JPT1: variants seen among roughly 807,000 people sequenced by gnomAD.
The protein encoded by JPT1 is androgen-regulated protein 2.
Under a neutral mutation model 17.0 loss-of-function variants are expected in JPT1, and 5 were observed. The observed-to-expected ratio is 0.29, with a 90% confidence interval of 0.15 to 0.62. The LOEUF is 0.62. Among genes scored for constraint, JPT1 ranks in the 20% least tolerant of loss-of-function variants. The pLI, the probability that JPT1 is intolerant of heterozygous loss-of-function variation, is 0.85. For missense variants in JPT1, 158 were observed against 188.1 expected, an observed-to-expected ratio of 0.84 and a Z score of 0.94; for synonymous variants, 71 against 73.6, an observed-to-expected ratio of 0.96 and a Z score of 0.18.
chr17:75,139,964 T>C (rs2074277404), intron 4 of JPT1, among the ~76,000 whole-genome samples: 1 of 152,158 alleles, frequency 6.6e-6, no homozygotes, highest in South Asian at 2.1e-4. Context: ...GGAGTCTCTC[T>C]CTCTTGCCAG....
intron 1 of JPT1, chr17:75,153,757 A>G (rs2074590038): frequency 6.6e-6 from 1 of 151,776 alleles, no homozygotes; most frequent in Non-Finnish European, 1.5e-5. Context: ...GCCCCGCTCG[A>G]CCACACATGC....
intron 1 of JPT1, among the ~76,000 whole-genome samples, chr17:75,150,989 G>GACT (rs1376664044): frequency 2.0e-5 from 3 of 151,354 alleles, no homozygotes; most frequent in Non-Finnish European, 4.4e-5. Flanking sequence ...GAGAAGCTGG[G>GACT]ACTACAGGCG....
chr17:75,142,561 GGGGGA>G (rs1312596880), intron 4 of JPT1, among the ~76,000 whole-genome samples: 3 of 133,440 alleles, frequency 2.2e-5, no homozygotes, highest in East Asian at 2.4e-4. Context: ...CTCCGTCAAG[GGGGGA>G]GGGGAGGGGA....
chr17:75,147,408 T>A, intron 3 of JPT1, 148 bp downstream of exon 3: 2 of 590,842 alleles, frequency 3.4e-6, no homozygotes, highest in South Asian at 4.2e-5. Context: ...TCTATGATTT[T>A]ACTATCAATC....
At chr17:75,143,392 T>C (rs571901808) in intron 4 of JPT1, among the ~76,000 whole-genome samples, 91 of 151,956 alleles carry the variant, frequency 6.0e-4, no homozygotes, top group African/African-American at 2.0e-3. Context: ...AAACCTCGTC[T>C]CTACTAAAAA....
chr17:75,148,449 A>T (rs1173862901), intron 2 of JPT1, 80 bp downstream of exon 2: 1 of 1,523,648 alleles, frequency 6.6e-7, no homozygotes, highest in Non-Finnish European at 8.9e-7. Flanking sequence ...ACGGGGGCAC[A>T]TGCTGGTGCC....
In JPT1 at chr17:75,148,740, C is replaced by G. The variant is rs144479361; in HGVS notation, c.57-69G>C. ...ATTTCTTGGCATAAATCTTTTCAGA[C>G]AACTTTCATTTCACTTTCCTCACCC... On this transcript the variant is annotated intron_variant, in intron 1 of 4. Transcript: ENST00000409753. The G allele has an allele frequency of 8.0e-4, 1,248 of 1,563,876 alleles. 15 individuals carry two copies. The African/African-American group carries it at 0.015, about 19-fold the overall frequency.
At chr17:75,152,700 A>G (rs914850618) in intron 1 of JPT1, among the ~76,000 whole-genome samples, 4 of 152,196 alleles carry the variant, frequency 2.6e-5, no homozygotes, top group African/African-American at 7.2e-5. Context: ...CAGATTACAC[A>G]TTATCATTCC....
chr17:75,142,662 G>A, intron 4 of JPT1: 1 of 369,696 alleles, frequency 2.7e-6, no homozygotes, highest in Non-Finnish European at 5.2e-6. Context: ...GGAGGGAAGG[G>A]GGAGGAAGGG....
At chr17:75,142,633 AGGGAG>A (rs1285504452) in intron 4 of JPT1, 8 of 250,182 alleles carry the variant, frequency 3.2e-5, no homozygotes, top group Non-Finnish European at 5.1e-5. Context: ...GAGGGAGGGG[AGGGAG>A]GGGAGGGGGG....
At chr17:75,139,526 A>C (rs2074269458) in intron 4 of JPT1, among the ~76,000 whole-genome samples, 1 of 152,138 alleles carries the variant, frequency 6.6e-6, no homozygotes, top group Non-Finnish European at 1.5e-5. Flanking sequence ...GCCTTACTTT[A>C]AATGTCTGTC....
At chr17:75,149,695 ACTTC>A (rs2074508808) in intron 1 of JPT1, among the ~76,000 whole-genome samples, 1 of 152,088 alleles carries the variant, frequency 6.6e-6, no homozygotes, top group Admixed American at 6.6e-5. Flanking sequence ...TTAAAAAATC[ACTTC>A]CTTCTTATTT....
chr17:75,147,037 A>AG (rs774445322), intron 3 of JPT1, among the ~76,000 whole-genome samples: 4 of 152,226 alleles, frequency 2.6e-5, no homozygotes, highest in Admixed American at 6.5e-5. Flanking sequence ...ACTAGATAAT[A>AG]GTTATGGAAG....
intron 1 of JPT1, among the ~76,000 whole-genome samples, chr17:75,152,529 T>C (rs2074570773): frequency 6.6e-6 from 1 of 152,202 alleles, no homozygotes; most frequent in African/African-American, 2.4e-5. Context: ...GGGAAATTGA[T>C]GACGAAAGGT....
chr17:75,154,488 G>A lies in JPT1; in HGVS notation c.-91C>T, dbSNP rs907197797. 52 of 1,241,924 alleles carry A rather than the reference G, an allele frequency of 4.2e-5. No homozygotes were observed. The highest frequency in any genetic ancestry group is 2.2e-4 in the Middle Eastern group (1 of 4,564). The allele number at this position is 1,241,924 out of a possible 1,614,324, so 76.9% of individuals were successfully genotyped here. On this transcript the variant is annotated 5_prime_UTR_variant, in exon 1 of 5. Coordinates refer to ENST00000409753, the MANE Select transcript of JPT1 (RefSeq NM_016185.4). ...CTGGGAAACTCCACACCCAACAGCC[G>A]ACCACCGCTGCAGGAGCCGCCGCTG...
Position 75,136,260 on chromosome 17 carries a change from C to T in JPT1, c.317-10G>A. 1 of 1,568,362 alleles carries T rather than the reference C, an allele frequency of 6.4e-7. No individual in the cohort carries two copies. Among genetic ancestry groups the T allele is most frequent in the Non-Finnish European group, 8.7e-7 (1 of 1,154,948 alleles). On this transcript the variant is annotated splice_polypyrimidine_tract_variant and intron_variant, in intron 4 of 4. Coordinates refer to ENST00000409753, the MANE Select transcript of JPT1 (RefSeq NM_016185.4). The stretch of plus-strand genomic sequence containing the variant: ...TCTGTGTCCACATTTTCTATGAAAA[C>T]AGGGAATAGAAATAATACTCATAAT...
chr17:75,154,097 G>A, intron 1 of JPT1: 2 of 241,012 alleles, frequency 8.3e-6, no homozygotes, highest in Non-Finnish European at 1.6e-5. Flanking sequence ...ACCAGCCCCG[G>A]CCTCCTCAGC....
chr17:75,148,983 A>C (rs1354243851), intron 1 of JPT1: 58 of 1,262,662 alleles, frequency 4.6e-5, no homozygotes, highest in Non-Finnish European at 5.2e-5. Flanking sequence ...CAAAAGATCT[A>C]ATGGACCTTA....
chr17:75,143,216 C>T (rs1393635111), intron 4 of JPT1, among the ~76,000 whole-genome samples: 2 of 152,072 alleles, frequency 1.3e-5, no homozygotes, highest in Non-Finnish European at 2.9e-5. Flanking sequence ...TTTGTCTAAT[C>T]GTATTTCTGT....
Sources: gnomAD v4.1 joint callset for allele counts (sites outside exome capture counted in the v4.1 genomes callset) on GRCh38, gnomAD v4.1.1 for gene constraint, MANE v1.5 for transcripts, NCBI Gene and HGNC (gene_info 2026-07-23, HGNC 2026-07-21) for gene names.